KCTD1: variants seen among roughly 807,000 people sequenced by gnomAD.
KCTD1 encodes the protein BTB/POZ domain-containing protein KCTD1.
In KCTD1, 24 loss-of-function variants were observed where a neutral mutation model predicts 66.0. That is an observed-to-expected ratio of 0.36 (90% CI 0.26 to 0.51). KCTD1 has a LOEUF of 0.51. Among genes scored for constraint, KCTD1 ranks in the 20% least tolerant of loss-of-function variants. The probability of loss-of-function intolerance (pLI) is 0.95; values close to 1 mark genes in which losing one functional copy is unlikely to be tolerated. For synonymous variants in KCTD1, 511 were observed against 517.2 expected (o/e 0.99, Z 0.16); for missense variants, 943 against 1,205.2 (o/e 0.78, Z 3.22).
chr18:26,621,068 C>T (rs1467999153), intron 1 of KCTD1, among the ~76,000 whole-genome samples: 1 of 151,204 alleles, frequency 6.6e-6, no homozygotes, highest in African/African-American at 2.4e-5. Context: ...CTCCTGACCT[C>T]GTGATCCACC....
At chr18:26,526,563 C>G (rs1254900741) in intron 1 of KCTD1, among the ~76,000 whole-genome samples, 1 of 152,058 alleles carries the variant, frequency 6.6e-6, no homozygotes, top group Admixed American at 6.5e-5. Flanking sequence ...CTGGAATAGC[C>G]AAGAGAAAGA....
intron 1 of KCTD1, among the ~76,000 whole-genome samples, chr18:26,568,954 G>C (rs1986043423): frequency 6.6e-6 from 1 of 152,116 alleles, no homozygotes; most frequent in Non-Finnish European, 1.5e-5. Flanking sequence ...TTTGATTTAA[G>C]AGGAAGGGAC....
At chr18:26,474,590 G>T (rs1320611437) in intron 3 of KCTD1, among the ~76,000 whole-genome samples, 19 of 151,836 alleles carry the variant, frequency 1.3e-4, no homozygotes, top group Admixed American at 1.2e-3. Flanking sequence ...GCCAATTTCT[G>T]TTTTTTTCTT....
intron 1 of KCTD1, 123 bp from the exon 2 acceptor site, chr18:26,501,373 C>A (rs2144681116): frequency 1.2e-6 from 1 of 834,558 alleles, no homozygotes; most frequent in Non-Finnish European, 1.8e-6. Flanking sequence ...ACCTGAAAAA[C>A]CGGCAAGCTC....
chr18:26,546,968 C>T lies in KCTD1; in HGVS notation c.1569G>A (p.Gly523=). The change falls in exon 1 of 5, where the codon GGG becomes GGA. Residue 523 remains glycine (G), a synonymous_variant. Transcript: ENST00000580059. ...GCGCAGCCTCGGATTTCACGTCGGGCCCGACCTGGCTGTCTTTGGGGAGGA... is the reference window on the plus strand; with the variant it reads ...GCGCAGCCTCGGATTTCACGTCGGGTCCGACCTGGCTGTCTTTGGGGAGGA... ...TYILPKDSQV[G]PDVKSEAAPK... is the part of the protein sequence containing the mutation. 2.0e-6 allele frequency: 3 copies of T among 1,478,800 alleles called. No homozygotes were observed. Among genetic ancestry groups the T allele is most frequent in the Non-Finnish European group, 2.7e-6 (3 of 1,109,948 alleles). The allele number at this position is 1,478,800 out of a possible 1,614,324, so 91.6% of individuals were successfully genotyped here.
chr18:26,620,977 C>A (rs545000631), intron 1 of KCTD1, among the ~76,000 whole-genome samples: 1 of 151,894 alleles, frequency 6.6e-6, no homozygotes, highest in Admixed American at 6.6e-5. Context: ...GGACTACAGG[C>A]GCCCGCCACC....
At chr18:26,562,061 A>C (rs184767569) in intron 1 of KCTD1, among the ~76,000 whole-genome samples, 5 of 152,280 alleles carry the variant, frequency 3.3e-5, no homozygotes, top group Admixed American at 6.5e-5. Context: ...ACAACCAAGA[A>C]ATCCTAACTA....
Position 26,547,510 on chromosome 18 carries a change from G to T in KCTD1, c.1027C>A (p.Arg343Ser). 6.4e-7 allele frequency: 1 copy of T among 1,551,474 alleles called. No individual in the cohort carries two copies. Among genetic ancestry groups the T allele is most frequent in the South Asian group, 1.2e-5 (1 of 84,034 alleles). ...SFGLAMDEDG[R>S]KFVYFKSLGP... ...AGGGACTTGAAGTAGACGAACTTGC[G>T]ACCGTCCTCGTCCATGGCCAGCCCA... The change falls in exon 1 of 5, where the codon CGC (arginine) becomes AGC (serine). Residue 343 changes from arginine (R) to serine (S), a missense_variant. Arg to Ser is a moderately radical substitution (Grantham distance 110, BLOSUM62 -1). Transcript: ENST00000580059.
At chr18:26,560,321 G>A (rs916524972) in intron 1 of KCTD1, among the ~76,000 whole-genome samples, 4 of 152,170 alleles carry the variant, frequency 2.6e-5, no homozygotes, top group South Asian at 4.2e-4. Flanking sequence ...CTCCAGCCAC[G>A]TGTGAGCCCC....
chr18:26,512,837 C>T (rs368121657), intron 1 of KCTD1, among the ~76,000 whole-genome samples: 2 of 151,862 alleles, frequency 1.3e-5, no homozygotes, highest in African/African-American at 2.4e-5. Context: ...AAAAATTAGC[C>T]GGGTGTGGTG....
At chr18:26,498,243 T>C (rs1982578280) in intron 2 of KCTD1, among the ~76,000 whole-genome samples, 1 of 152,066 alleles carries the variant, frequency 6.6e-6, no homozygotes, top group Non-Finnish European at 1.5e-5. Flanking sequence ...CCTGTGATCC[T>C]AGGACTCACT....
chr18:26,579,318 T>C (rs1341847791), intron 1 of KCTD1, among the ~76,000 whole-genome samples: 1 of 152,210 alleles, frequency 6.6e-6, no homozygotes, highest in East Asian at 1.9e-4. Flanking sequence ...CCAGTTAGTG[T>C]CCAATTAGTG....
chr18:26,605,768 C>CTATCTATCTATA (rs558732795), intron 1 of KCTD1, among the ~76,000 whole-genome samples: 16 of 134,130 alleles, frequency 1.2e-4, no homozygotes, highest in African/African-American at 4.2e-4. Context: ...ATCTATCTAT[C>CTATCTATCTATA]TATATTACAT....
chr18:26,521,690 G>A (rs1983918654), intron 1 of KCTD1, among the ~76,000 whole-genome samples: 1 of 152,210 alleles, frequency 6.6e-6, no homozygotes, highest in Admixed American at 6.5e-5. Context: ...TAAAAGAAGA[G>A]AAAAGCAGAA....
chr18:26,544,924 G>A lies in KCTD1; in HGVS notation c.1809+1804C>T, dbSNP rs560899609. 3.9e-5 allele frequency: 6 copies of A among 152,256 alleles called. No homozygotes were observed. The East Asian group carries it at 9.6e-4, about 24-fold the overall frequency. 9.4% of individuals were successfully genotyped at this position (152,256 alleles called of 1,614,324 possible). A position where few individuals can be genotyped will look rare whatever the true frequency, so the allele number is the denominator to read the frequency against. ...GACACTCAAATCTATATTTAACTTA[G>A]GAGTTACCTGACAATAATGCAAGAA... On this transcript the variant is annotated intron_variant, in intron 1 of 4. Transcript: ENST00000580059.
At chr18:26,656,354 A>C (rs1225612132) in intron 1 of KCTD1, among the ~76,000 whole-genome samples, 1 of 152,168 alleles carries the variant, frequency 6.6e-6, no homozygotes, top group Non-Finnish European at 1.5e-5. Context: ...GGAGACTTCT[A>C]ATCCGGAGCA....
Position 26,547,018 on chromosome 18 carries a change from G to C in KCTD1, c.1519C>G (p.Pro507Ala). The C allele has an allele frequency of 6.7e-7, 1 of 1,484,804 alleles. No homozygotes were observed. The highest frequency in any genetic ancestry group is 2.5e-5 in the East Asian group (1 of 40,226). The allele number at this position is 1,484,804 out of a possible 1,614,324, so 92.0% of individuals were successfully genotyped here. The change falls in exon 1 of 5, where the codon CCG (proline) becomes GCG (alanine). Residue 507 changes from proline to alanine, a missense_variant. Pro to Ala is a conservative substitution (Grantham distance 27). Coordinates refer to ENST00000580059, the MANE Select transcript of KCTD1 (RefSeq NM_001142730.3). ...THPSHHHRPQ[P>A]PSLGNTYILP... ...ATGTAAGTGTTCCCCAGCGAGGGCGGCTGGGGGCGGTGGTGGTGGGAGGGA... is the reference window on the plus strand; with the variant it reads ...ATGTAAGTGTTCCCCAGCGAGGGCGCCTGGGGGCGGTGGTGGTGGGAGGGA...
chr18:26,593,359 AAGAGGAGGAGGAG>A, intron 1 of KCTD1, among the ~76,000 whole-genome samples: 2 of 130,582 alleles, frequency 1.5e-5, no homozygotes, highest in African/African-American at 3.0e-5. Context: ...GAGGAGGAGG[AAGAGGAGGAGGAG>A]GAAGAGGAGG....
At chr18:26,623,847 C>A (rs576479157) in intron 1 of KCTD1, among the ~76,000 whole-genome samples, 1 of 152,216 alleles carries the variant, frequency 6.6e-6, no homozygotes, top group South Asian at 2.1e-4. Flanking sequence ...AATTTTGGAG[C>A]TTCCTAGAGA....
Sources: gnomAD v4.1 joint callset for allele counts (sites outside exome capture counted in the v4.1 genomes callset) on GRCh38, gnomAD v4.1.1 for gene constraint, MANE v1.5 for transcripts, NCBI Gene and HGNC (gene_info 2026-07-23, HGNC 2026-07-21) for gene names.